LRRTM4: variants seen among roughly 807,000 people sequenced by gnomAD.
LRRTM4 encodes the protein leucine rich repeat transmembrane neuronal 4.
A neutral mutation model predicts 47.6 loss-of-function variants in LRRTM4; 25 were observed. The observed-to-expected ratio is 0.53, with a 90% CI of 0.38 to 0.73. The LOEUF is 0.73. LRRTM4 is among the 30% of genes least tolerant of loss of function. LRRTM4 has a pLI of 0.00. For synonymous variants in LRRTM4, 311 were observed against 269.5 expected (o/e 1.15, Z -1.51); for missense variants, 638 against 713.4 (o/e 0.89, Z 1.20).
chr2:77,395,857 T>C (rs1005547586), intron 3 of LRRTM4, among the ~76,000 whole-genome samples: 1 of 152,002 alleles, frequency 6.6e-6, no homozygotes, highest in Non-Finnish European at 1.5e-5. Flanking sequence ...CATTTCAGTA[T>C]TACATCAGCT....
chr2:76,818,641 G>A (rs536961009), intron 3 of LRRTM4, among the ~76,000 whole-genome samples: 345 of 151,582 alleles, frequency 2.3e-3, no homozygotes, highest in Non-Finnish European at 3.7e-3. Flanking sequence ...TTGACCAATT[G>A]TTTATCCAAT....
chr2:77,162,027 C>G (rs1672743348), intron 3 of LRRTM4, among the ~76,000 whole-genome samples: 1 of 152,152 alleles, frequency 6.6e-6, no homozygotes, highest in Admixed American at 6.6e-5. Flanking sequence ...TGAGGCTTGT[C>G]AGACAGTGGG....
chr2:76,787,430 G>A (rs1426157389), intron 3 of LRRTM4, among the ~76,000 whole-genome samples: 1 of 151,980 alleles, frequency 6.6e-6, no homozygotes. Flanking sequence ...TACATTTCCA[G>A]ATGTCAACAT....
intron 3 of LRRTM4, among the ~76,000 whole-genome samples, chr2:76,942,039 T>C (rs1282928580): frequency 1.3e-5 from 2 of 152,230 alleles, no homozygotes; most frequent in African/African-American, 2.4e-5. Flanking sequence ...ATTGTGGTTT[T>C]GATTTGCATT....
At chr2:77,143,951 C>A (rs1013001432) in intron 3 of LRRTM4, among the ~76,000 whole-genome samples, 1 of 151,968 alleles carries the variant, frequency 6.6e-6, no homozygotes, top group African/African-American at 2.4e-5. Context: ...TTTTGGGGGA[C>A]GGGTTTTCCC....
At chr2:77,026,892 T>C (rs890619557) in intron 3 of LRRTM4, among the ~76,000 whole-genome samples, 1 of 152,134 alleles carries the variant, frequency 6.6e-6, no homozygotes, top group African/African-American at 2.4e-5. Flanking sequence ...GAATATTTAG[T>C]AAGATGTTCC....
chr2:77,383,677 C>T (rs1484096206), intron 3 of LRRTM4, among the ~76,000 whole-genome samples: 1 of 151,976 alleles, frequency 6.6e-6, no homozygotes, highest in Non-Finnish European at 1.5e-5. Context: ...TTCTAATATA[C>T]CCTTCATAGA....
chr2:76,998,344 T>C (rs1258576618), intron 3 of LRRTM4, among the ~76,000 whole-genome samples: 1 of 152,078 alleles, frequency 6.6e-6, no homozygotes, highest in East Asian at 1.9e-4. Context: ...AGCTGAGGGA[T>C]TTGGATCATA....
intron 3 of LRRTM4, among the ~76,000 whole-genome samples, chr2:76,823,538 T>G (rs1475981226): frequency 1.3e-5 from 2 of 151,442 alleles, no homozygotes; most frequent in Non-Finnish European, 3.0e-5. Context: ...ATCAAGAAAA[T>G]ATTTAGTTCA....
chr2:77,068,504 T>C (rs1010809546), intron 3 of LRRTM4, among the ~76,000 whole-genome samples: 1 of 152,224 alleles, frequency 6.6e-6, no homozygotes, highest in Non-Finnish European at 1.5e-5. Flanking sequence ...ATCTCCTTTC[T>C]ATCTTCCTAG....
chr2:77,363,204 A>C (rs917407208), intron 3 of LRRTM4, among the ~76,000 whole-genome samples: 1 of 152,238 alleles, frequency 6.6e-6, no homozygotes, highest in Non-Finnish European at 1.5e-5. Flanking sequence ...AGTAAATTTT[A>C]CCGTGGCTTA....
At chr2:77,436,044 T>A (rs1220705541) in intron 3 of LRRTM4, among the ~76,000 whole-genome samples, 2 of 152,156 alleles carry the variant, frequency 1.3e-5, no homozygotes, top group Non-Finnish European at 2.9e-5. Context: ...GACTCTCCAT[T>A]TATGTAGAAA....
chr2:77,144,370 C>T (rs1672202160), intron 3 of LRRTM4, among the ~76,000 whole-genome samples: 1 of 151,922 alleles, frequency 6.6e-6, no homozygotes, highest in Non-Finnish European at 1.5e-5. Context: ...GGAAGCACAT[C>T]ACAGTGCTTA....
At chr2:77,125,835 ATAAG>A (rs764872709) in intron 3 of LRRTM4, among the ~76,000 whole-genome samples, 49 of 151,758 alleles carry the variant, frequency 3.2e-4, no homozygotes, top group African/African-American at 8.7e-4. Flanking sequence ...AAATTTAGTA[ATAAG>A]TAAGGGATTG....
intron 3 of LRRTM4, among the ~76,000 whole-genome samples, chr2:76,757,976 GGT>G (rs1486094611): frequency 6.6e-6 from 1 of 152,118 alleles, no homozygotes; most frequent in Non-Finnish European, 1.5e-5. Flanking sequence ...GTACTAAGAA[GGT>G]GTAATCGGCA....
At chr2:76,939,727 C>A (rs1023553691) in intron 3 of LRRTM4, among the ~76,000 whole-genome samples, 2 of 151,916 alleles carry the variant, frequency 1.3e-5, no homozygotes, top group Non-Finnish European at 2.9e-5. Flanking sequence ...TTATGTTAGT[C>A]CTACATGCTC....
intron 3 of LRRTM4, among the ~76,000 whole-genome samples, chr2:77,023,585 C>A (rs1573464647): frequency 6.6e-6 from 1 of 152,212 alleles, no homozygotes; most frequent in South Asian, 2.1e-4. Context: ...GCCAGGTACC[C>A]TGAATCATCT....
intron 3 of LRRTM4, among the ~76,000 whole-genome samples, chr2:77,268,047 T>C (rs1048406100): frequency 1.3e-5 from 2 of 152,142 alleles, no homozygotes; most frequent in African/African-American, 4.8e-5. Context: ...ATACTTATGC[T>C]CTTTCAGCTT....
At chr2:76,853,964 A>G (rs1672070924) in intron 3 of LRRTM4, among the ~76,000 whole-genome samples, 1 of 152,094 alleles carries the variant, frequency 6.6e-6, no homozygotes, top group African/African-American at 2.4e-5. Flanking sequence ...CCACTTCTCA[A>G]AATTTCAGTT....
Sources: allele counts gnomAD v4.1 joint callset (sites outside exome capture counted in the v4.1 genomes callset), GRCh38; gene constraint gnomAD v4.1.1; transcripts MANE v1.5; gene names NCBI Gene and HGNC (gene_info 2026-07-23, HGNC 2026-07-21).